Variants in IL1RAPL2 observed in about 807,000 individuals in gnomAD.
The protein encoded by IL1RAPL2 is interleukin 1 receptor accessory protein like 2.
IL1RAPL2 carries 3 observed loss-of-function variants against 44.1 expected under a neutral mutation model. That is an observed-to-expected ratio of 0.07 (90% CI 0.03 to 0.18). The LOEUF (loss-of-function observed/expected upper bound fraction) is 0.18, where lower values mean the gene tolerates loss of function less well. Ranked by LOEUF, IL1RAPL2 falls within the 10% of genes least tolerant of loss-of-function variation. IL1RAPL2 has a pLI of 1.00. For missense variants in IL1RAPL2, 391 were observed against 496.4 expected (o/e 0.79, Z 2.02); for synonymous variants, 181 against 178.8 (o/e 1.01, Z -0.10).
At chrX:105,331,066 T>A (rs933776277) in intron 5 of IL1RAPL2, among the ~76,000 whole-genome samples, 2 of 111,761 alleles carry the variant, frequency 1.8e-5, no homozygotes, top group African/African-American at 6.5e-5. Context: ...CCTGGTACAA[T>A]GTAAGTGATA....
chrX:104,867,492 G>C (rs1173299601), intron 2 of IL1RAPL2, among the ~76,000 whole-genome samples: 1 of 111,480 alleles, frequency 9.0e-6, no homozygotes, highest in African/African-American at 3.3e-5. Flanking sequence ...TGCTTATTGA[G>C]CCATACATAC....
chrX:105,496,443 A>C (rs1203962799), intron 6 of IL1RAPL2, among the ~76,000 whole-genome samples: 1 of 112,696 alleles, frequency 8.9e-6, no homozygotes, highest in South Asian at 3.6e-4. Flanking sequence ...AGAAAGAAAG[A>C]GAATCATGCT....
At chrX:105,228,009 G>A (rs2034034112) in intron 3 of IL1RAPL2, among the ~76,000 whole-genome samples, 1 of 111,232 alleles carries the variant, frequency 9.0e-6, no homozygotes, top group Non-Finnish European at 1.9e-5. Context: ...TTATCAAAGG[G>A]CTTGAGATCT....
At chrX:104,781,073 T>TTA (rs751100360) in intron 2 of IL1RAPL2, among the ~76,000 whole-genome samples, 21 of 110,881 alleles carry the variant, frequency 1.9e-4, no homozygotes, top group Non-Finnish European at 3.8e-4. Context: ...AGTTTTATTT[T>TTA]TTTTTTTGTT....
At chrX:105,287,771 T>C (rs993859072) in intron 5 of IL1RAPL2, among the ~76,000 whole-genome samples, 1 of 111,693 alleles carries the variant, frequency 9.0e-6, no homozygotes, top group Non-Finnish European at 1.9e-5. Flanking sequence ...CTTGCTTGTC[T>C]AATTGGAAGG....
intron 6 of IL1RAPL2, among the ~76,000 whole-genome samples, chrX:105,629,518 T>C (rs1025208251): frequency 3.6e-5 from 4 of 111,747 alleles, no homozygotes; most frequent in African/African-American, 1.3e-4. Context: ...GGTGCTACTC[T>C]CTCCCATTCC....
intron 6 of IL1RAPL2, among the ~76,000 whole-genome samples, chrX:105,656,707 T>C (rs2037679977): frequency 8.9e-6 from 1 of 111,811 alleles, no homozygotes; most frequent in Admixed American, 9.5e-5. Context: ...GCAATATCTT[T>C]TGCTCGAGAG....
chrX:105,302,697 T>C (rs1427593938), intron 5 of IL1RAPL2, among the ~76,000 whole-genome samples: 2 of 111,887 alleles, frequency 1.8e-5, no homozygotes, highest in African/African-American at 6.5e-5. Context: ...CAAGCTATGC[T>C]GTCTGGGTTT....
At chrX:105,017,879 T>C (rs1336229960) in intron 2 of IL1RAPL2, among the ~76,000 whole-genome samples, 1 of 111,903 alleles carries the variant, frequency 8.9e-6, no homozygotes, top group Non-Finnish European at 1.9e-5. Context: ...GCAAAAACAT[T>C]GCTGACACCA....
chrX:105,038,380 C>A (rs2031665338), intron 2 of IL1RAPL2, among the ~76,000 whole-genome samples: 1 of 111,632 alleles, frequency 9.0e-6, no homozygotes, highest in Non-Finnish European at 1.9e-5. Flanking sequence ...TCCTAGTTTA[C>A]TGTCTAGTCA....
intron 6 of IL1RAPL2, among the ~76,000 whole-genome samples, chrX:105,546,355 A>T (rs1327276680): frequency 9.0e-6 from 1 of 111,713 alleles, no homozygotes; most frequent in Non-Finnish European, 1.9e-5. Flanking sequence ...AACATTATTC[A>T]TACATCCTCG....
intron 2 of IL1RAPL2, among the ~76,000 whole-genome samples, chrX:104,690,288 T>C (rs1981296847): frequency 1.8e-5 from 2 of 112,789 alleles, no homozygotes; most frequent in Admixed American, 1.9e-4. Flanking sequence ...TGTGAAATGC[T>C]TTCTCAAATG....
intron 5 of IL1RAPL2, among the ~76,000 whole-genome samples, chrX:105,350,956 T>A (rs1262322299): frequency 1.8e-5 from 2 of 111,241 alleles, no homozygotes; most frequent in Non-Finnish European, 3.8e-5. Context: ...ATCAAAAAGT[T>A]GCCGAAGGAT....
At chrX:104,635,686 A>C (rs113430597) in intron 1 of IL1RAPL2, among the ~76,000 whole-genome samples, 17,109 of 111,039 alleles carry the variant, frequency 0.15, 3,272 homozygotes, top group African/African-American at 0.54. Context: ...CGTGGTTTTC[A>C]GCTCCATCAG....
intron 2 of IL1RAPL2, among the ~76,000 whole-genome samples, chrX:104,837,268 G>A (rs1402021297): frequency 1.8e-5 from 2 of 111,237 alleles, no homozygotes; most frequent in African/African-American, 6.5e-5. Context: ...TGGGTTGAGT[G>A]GTATTTCTGG....
intron 4 of IL1RAPL2, among the ~76,000 whole-genome samples, chrX:105,234,735 G>A (rs2034104548): frequency 9.2e-6 from 1 of 108,780 alleles, no homozygotes; most frequent in African/African-American, 3.4e-5. Flanking sequence ...TTGAACATGG[G>A]AGGCAGAGGT....
intron 6 of IL1RAPL2, among the ~76,000 whole-genome samples, chrX:105,487,547 C>T (rs750902079): frequency 2.0e-4 from 22 of 112,183 alleles, no homozygotes; most frequent in Non-Finnish European, 3.6e-4. Context: ...AAGGCTGTTA[C>T]TCTGAGATGT....
intron 5 of IL1RAPL2, among the ~76,000 whole-genome samples, chrX:105,337,312 G>A (rs2035035856): frequency 8.9e-6 from 1 of 112,220 alleles, no homozygotes; most frequent in Non-Finnish European, 1.9e-5. Flanking sequence ...AAGAAAAGTG[G>A]AGCAGACAAT....
intron 1 of IL1RAPL2, among the ~76,000 whole-genome samples, chrX:104,658,532 T>C (rs536341243): frequency 1.8e-4 from 20 of 112,432 alleles, no homozygotes; most frequent in Middle Eastern, 4.6e-3. Flanking sequence ...AGTTAATGGA[T>C]GCAGCAAACC....
Sources: allele counts gnomAD v4.1 joint callset (sites outside exome capture counted in the v4.1 genomes callset), GRCh38; gene constraint gnomAD v4.1.1; transcripts MANE v1.5; gene names NCBI Gene and HGNC (gene_info 2026-07-23, HGNC 2026-07-21).